SLC25A31: variants seen among roughly 807,000 people sequenced by gnomAD.
SLC25A31 encodes ADP/ATP translocase 4.
SLC25A31 carries 40 observed loss-of-function variants against 36.2 expected under a neutral mutation model. That is an observed-to-expected ratio of 1.10 (90% CI 0.86 to 1.44). The LOEUF is 1.44. Among genes scored for constraint, SLC25A31 ranks in the 40% most tolerant of loss-of-function variants. The pLI is 0.00. For missense variants in SLC25A31, 350 were observed against 397.1 expected (o/e 0.88, Z 1.01); for synonymous variants, 143 against 149.7 (o/e 0.96, Z 0.32).
At chr4:127,752,316 A>G (rs1468557210) in intron 2 of SLC25A31, among the ~76,000 whole-genome samples, 1 of 152,204 alleles carries the variant, frequency 6.6e-6, no homozygotes, top group East Asian at 1.9e-4. Flanking sequence ...AACTATTGCA[A>G]GGACAAAAAA....
intron 2 of SLC25A31, among the ~76,000 whole-genome samples, chr4:127,753,449 CAT>C (rs762056973): frequency 1.1e-4 from 16 of 152,116 alleles, no homozygotes; most frequent in Admixed American, 5.9e-4. Flanking sequence ...AAATAAGTCT[CAT>C]ATAAATCAGA....
At chr4:127,757,918 G>C (rs552089016) in intron 2 of SLC25A31, among the ~76,000 whole-genome samples, 1 of 152,242 alleles carries the variant, frequency 6.6e-6, no homozygotes, top group South Asian at 2.1e-4. Context: ...ACATACCTGA[G>C]ACTGGGAAGA....
chr4:127,735,170 A>G (rs139359874), intron 1 of SLC25A31, among the ~76,000 whole-genome samples: 138 of 152,320 alleles, frequency 9.1e-4, no homozygotes, highest in Non-Finnish European at 1.5e-3. Context: ...CATCATTCAC[A>G]TGACATTCAG....
chr4:127,765,402 T>G (rs1271109371), intron 3 of SLC25A31, among the ~76,000 whole-genome samples: 1 of 152,190 alleles, frequency 6.6e-6, no homozygotes, highest in African/African-American at 2.4e-5. Context: ...CTGGCAAAAT[T>G]TTGTAGATTT....
intron 2 of SLC25A31, among the ~76,000 whole-genome samples, chr4:127,753,311 T>C (rs79769759): frequency 0.019 from 2,867 of 150,822 alleles, 88 homozygotes; most frequent in African/African-American, 0.064. Context: ...CAAACTCAGT[T>C]GAAGGAAGGA....
chr4:127,739,999 T>A lies in SLC25A31; in HGVS notation c.233-4673T>A, dbSNP rs928735655. On this transcript the variant is annotated intron_variant, in intron 1 of 5. Coordinates refer to ENST00000281154, the MANE Select transcript of SLC25A31 (RefSeq NM_031291.4). ...TTACTCTAGAAGTTTGTGTCTATTT[T>A]CAACCTTCTTTTAGATCTTATTGAG... is the stretch of plus-strand genomic sequence containing the variant. Among the ~76,000 whole-genome samples, 13 of 152,156 alleles carry A rather than the reference T, an allele frequency of 8.5e-5. No homozygotes were observed. In the East Asian group the frequency reaches 9.6e-4, roughly 11 times the overall value.
chr4:127,733,118 G>A (rs764130672), intron 1 of SLC25A31, among the ~76,000 whole-genome samples: 15 of 152,130 alleles, frequency 9.9e-5, no homozygotes, highest in Non-Finnish European at 2.1e-4. Flanking sequence ...CATGATTTTA[G>A]TATACACTGA....
intron 1 of SLC25A31, among the ~76,000 whole-genome samples, chr4:127,743,221 C>A (rs944145774): frequency 1.3e-5 from 2 of 150,962 alleles, no homozygotes; most frequent in Non-Finnish European, 2.9e-5. Context: ...GCCTCTACGT[C>A]CTCAGCTCAA....
At chr4:127,751,533 C>T (rs1731932762) in intron 2 of SLC25A31, among the ~76,000 whole-genome samples, 2 of 152,196 alleles carry the variant, frequency 1.3e-5, no homozygotes, top group African/African-American at 4.8e-5. Flanking sequence ...ATGTCTAAAA[C>T]ACCAAAAGCA....
At chr4:127,735,807 CAA>C (rs34015425) in intron 1 of SLC25A31, among the ~76,000 whole-genome samples, 4 of 105,446 alleles carry the variant, frequency 3.8e-5, no homozygotes, top group Non-Finnish European at 3.5e-5. Context: ...ACCTCCCCTG[CAA>C]AAAAAAAAAA....
intron 5 of SLC25A31, among the ~76,000 whole-genome samples, chr4:127,772,258 T>C (rs1168606434): frequency 6.6e-6 from 1 of 152,230 alleles, no homozygotes; most frequent in Non-Finnish European, 1.5e-5. Flanking sequence ...TTAACAACTA[T>C]AGTATTATTC....
intron 1 of SLC25A31, among the ~76,000 whole-genome samples, chr4:127,737,702 C>T (rs1731658615): frequency 6.6e-6 from 1 of 152,116 alleles, no homozygotes; most frequent in Non-Finnish European, 1.5e-5. Flanking sequence ...CAGGCACATG[C>T]CACCATGGCA....
intron 5 of SLC25A31, among the ~76,000 whole-genome samples, chr4:127,771,842 G>A (rs1206196093): frequency 2.0e-5 from 3 of 152,196 alleles, no homozygotes; most frequent in Admixed American, 6.5e-5. Context: ...TATCTGCTGA[G>A]ATGATTAAAC....
At chr4:127,762,952 G>A (rs1313602605) in intron 2 of SLC25A31, among the ~76,000 whole-genome samples, 1 of 151,644 alleles carries the variant, frequency 6.6e-6, no homozygotes, top group African/African-American at 2.4e-5. Flanking sequence ...TTTATAGTCT[G>A]TAGGAGTATA....
chr4:127,744,679 C>A lies in SLC25A31; in HGVS notation c.240C>A (p.Phe80Leu). Residue 80 changes from phenylalanine to leucine, a missense_variant, in exon 2 of 6, where the codon TTC becomes TTA. Transcript: ENST00000281154. ...LVRIPREQGF[F>L]SFWRGNLANV... ...ATATGTTTCCCTCTGTAGGTTTCTT[C>A]AGTTTTTGGCGTGGCAATTTGGCAA... 6.3e-7 allele frequency: 1 copy of A among 1,593,222 alleles called. No homozygotes were observed. The highest frequency in any genetic ancestry group is 8.5e-7 in the Non-Finnish European group (1 of 1,171,218).
intron 1 of SLC25A31, among the ~76,000 whole-genome samples, chr4:127,735,018 G>A (rs1194546798): frequency 6.6e-6 from 1 of 152,056 alleles, no homozygotes; most frequent in African/African-American, 2.4e-5. Context: ...CTATTATCAG[G>A]TTTTAACTAA....
At chr4:127,735,018 G>GT (rs938425528) in intron 1 of SLC25A31, among the ~76,000 whole-genome samples, 1 of 152,056 alleles carries the variant, frequency 6.6e-6, no homozygotes, top group Non-Finnish European at 1.5e-5. Context: ...CTATTATCAG[G>GT]TTTTAACTAA....
intron 2 of SLC25A31, 120 bp downstream of exon 2, chr4:127,744,919 T>C (rs1731797743): frequency 1.3e-6 from 1 of 778,060 alleles, no homozygotes; most frequent in Admixed American, 3.5e-5. Flanking sequence ...AATGGTTAGA[T>C]TTGTCTTAAC....
At position 127,773,854 on chromosome 4, in the gene SLC25A31, T is replaced by G. The variant is rs1269278594; in HGVS notation, c.*280T>G. On this transcript the variant is annotated 3_prime_UTR_variant, in exon 6 of 6. Coordinates refer to ENST00000281154, the MANE Select transcript of SLC25A31 (RefSeq NM_031291.4). ...TTAAAATTCTTTTTATGATTAAAAA[T>G]TAATCATATAATCCTAGATTAATGC... 1.3e-5 allele frequency: 3 copies of G among 231,922 alleles called. No individual in the cohort carries two copies. The highest frequency in any genetic ancestry group is 2.5e-5 in the Non-Finnish European group (3 of 121,228). 14.4% of individuals were successfully genotyped at this position (231,922 alleles called of 1,614,324 possible).
Sources: allele counts gnomAD v4.1 joint callset (sites outside exome capture counted in the v4.1 genomes callset), GRCh38; gene constraint gnomAD v4.1.1; transcripts MANE v1.5; gene names NCBI Gene and HGNC (gene_info 2026-07-23, HGNC 2026-07-21).